BRINP1: variants seen among roughly 807,000 people sequenced by gnomAD.
BRINP1 encodes the protein BMP/retinoic acid inducible neural specific 1.
In BRINP1, 17 loss-of-function variants were observed where a neutral mutation model predicts 72.9. The ratio of observed to expected loss-of-function variants is 0.23; its 90% CI spans 0.16 to 0.35. The LOEUF is 0.35. Ranked by LOEUF, BRINP1 falls within the 10% of genes least tolerant of loss-of-function variation. The pLI is 1.00. For missense variants in BRINP1, 850 were observed against 1,001.6 expected (o/e 0.85, Z 2.04); for synonymous variants, 418 against 378.5 (o/e 1.10, Z -1.21).
chr9:119,241,273 A>G (rs1049051152), intron 4 of BRINP1, among the ~76,000 whole-genome samples: 3 of 152,236 alleles, frequency 2.0e-5, no homozygotes, highest in African/African-American at 7.2e-5. Context: ...CCACCATCTT[A>G]GAAGGTACTA....
chr9:119,265,881 C>T (rs1193540147), intron 2 of BRINP1, among the ~76,000 whole-genome samples: 2 of 152,260 alleles, frequency 1.3e-5, no homozygotes, highest in Middle Eastern at 3.4e-3. Flanking sequence ...TCAACCTCCT[C>T]GCTCCCTCTC....
In BRINP1 at chr9:119,286,238, C is replaced by CTT. The variant is rs111384115; in HGVS notation, c.218+26898_218+26899dup. Among the ~76,000 whole-genome samples the CTT allele has an allele frequency of 4.5e-3, 664 of 147,566 alleles. 5 individuals are homozygous for CTT. Among genetic ancestry groups the CTT allele is most frequent in the East Asian group, 0.012 (59 of 5,022 alleles). ...GAGTGTTATCGCCATTATCTTTCAT[C>CTT]TTTTTTTTTTTTGAGACGGAGTCTT... On this transcript the variant is annotated intron_variant, in intron 2 of 7. Transcript: ENST00000265922.
intron 1 of BRINP1, among the ~76,000 whole-genome samples, chr9:119,325,057 G>A (rs946902019): frequency 6.6e-6 from 1 of 151,800 alleles, no homozygotes. Flanking sequence ...CTGAGATCAC[G>A]CCATTGCACT....
intron 1 of BRINP1, among the ~76,000 whole-genome samples, chr9:119,367,221 G>GATATATATATATATATATATAT (rs6151155): frequency 0.012 from 1,228 of 99,580 alleles, 50 homozygotes; most frequent in East Asian, 0.029. Context: ...GTGTGTGATT[G>GATATATATATATATATATATAT]ATATATATAT....
At chr9:119,280,780 C>A (rs971155516) in intron 2 of BRINP1, among the ~76,000 whole-genome samples, 2 of 152,060 alleles carry the variant, frequency 1.3e-5, no homozygotes, top group Non-Finnish European at 2.9e-5. Context: ...GAAGAACTGG[C>A]CCCAAGTCAG....
intron 3 of BRINP1, among the ~76,000 whole-genome samples, chr9:119,244,433 T>C (rs1163681888): frequency 6.6e-6 from 1 of 152,230 alleles, no homozygotes; most frequent in Admixed American, 6.5e-5. Context: ...TCCTAGGGTC[T>C]GATGAAGAAT....
At chr9:119,196,049 C>G (rs1199857119) in intron 7 of BRINP1, among the ~76,000 whole-genome samples, 2 of 152,196 alleles carry the variant, frequency 1.3e-5, no homozygotes, top group African/African-American at 4.8e-5. Flanking sequence ...ACAGATACCA[C>G]TTCCTTATTT....
intron 2 of BRINP1, among the ~76,000 whole-genome samples, chr9:119,254,950 G>A (rs527426474): frequency 6.6e-6 from 1 of 152,256 alleles, no homozygotes; most frequent in South Asian, 2.1e-4. Flanking sequence ...TCCACTGATG[G>A]GAAAATTGAA....
chr9:119,238,470 T>C (rs1318701758), intron 5 of BRINP1, among the ~76,000 whole-genome samples, 185 bp downstream of exon 5: 1 of 152,200 alleles, frequency 6.6e-6, no homozygotes, highest in African/African-American at 2.4e-5. Flanking sequence ...TGTTAAAAAA[T>C]TCTAAATATA....
intron 1 of BRINP1, among the ~76,000 whole-genome samples, chr9:119,347,368 A>C (rs917004354): frequency 6.6e-6 from 1 of 152,080 alleles, no homozygotes; most frequent in Non-Finnish European, 1.5e-5. Context: ...AACCCTTTTA[A>C]CCTCAGTTCC....
At chr9:119,287,993 T>TAAAAA (rs975401832) in intron 2 of BRINP1, among the ~76,000 whole-genome samples, 6 of 150,888 alleles carry the variant, frequency 4.0e-5, no homozygotes, top group African/African-American at 1.5e-4. Context: ...ACTTAAAAGT[T>TAAAAA]AAAAAAAAAG....
chr9:119,250,418 C>T (rs1830374523), intron 2 of BRINP1, among the ~76,000 whole-genome samples: 1 of 152,176 alleles, frequency 6.6e-6, no homozygotes. Context: ...GTCCAAGTCT[C>T]GCTCTCCCTC....
chr9:119,309,013 A>C (rs1831032527), intron 2 of BRINP1, among the ~76,000 whole-genome samples: 2 of 152,154 alleles, frequency 1.3e-5, no homozygotes, highest in Admixed American at 6.5e-5. Flanking sequence ...AAGGTATTGG[A>C]AACACAGGAA....
rs1022906850 is a variant in BRINP1, at chr9:119,260,407, A to T, written c.219-11257T>A. Among the ~76,000 whole-genome samples the T allele has an allele frequency of 2.0e-5, 3 of 152,234 alleles. No individual in the cohort carries two copies. In the East Asian group the frequency reaches 5.8e-4, roughly 29 times the overall value. Reference sequence around the variant, plus strand: ...TAAAATATTTACTGTCTGACCCTTTATAGACAGTTTGCTAATCCTGTTTTA... The same window carrying T: ...TAAAATATTTACTGTCTGACCCTTTTTAGACAGTTTGCTAATCCTGTTTTA... On this transcript the variant is annotated intron_variant, in intron 2 of 7. Coordinates refer to ENST00000265922, the MANE Select transcript of BRINP1 (RefSeq NM_014618.3).
chr9:119,258,453 G>T (rs1274849709), intron 2 of BRINP1, among the ~76,000 whole-genome samples: 1 of 152,176 alleles, frequency 6.6e-6, no homozygotes, highest in Admixed American at 6.5e-5. Flanking sequence ...AGCTTAGAAT[G>T]CACTTGTTTT....
At chr9:119,260,857 A>T (rs1259558507) in intron 2 of BRINP1, among the ~76,000 whole-genome samples, 1 of 152,196 alleles carries the variant, frequency 6.6e-6, no homozygotes, top group Non-Finnish European at 1.5e-5. Flanking sequence ...ATTCTTAGAG[A>T]TATTTGATTT....
chr9:119,271,093 G>T (rs894773518), intron 2 of BRINP1, among the ~76,000 whole-genome samples: 4 of 152,150 alleles, frequency 2.6e-5, no homozygotes, highest in African/African-American at 9.7e-5. Context: ...TTCACTAAAA[G>T]CTTCCTGGAA....
chr9:119,175,760 A>G (rs1829481252), intron 7 of BRINP1, among the ~76,000 whole-genome samples: 1 of 152,158 alleles, frequency 6.6e-6, no homozygotes, highest in Admixed American at 6.5e-5. Context: ...GAGGCCTCTC[A>G]TCTTTCCTTT....
In BRINP1 at chr9:119,317,458, C is replaced by G. The variant is rs146300965; in HGVS notation, c.-50-4053G>C. 5.3e-5 allele frequency among the ~76,000 whole-genome samples: 8 copies of G among 152,280 alleles called. No homozygotes were observed. In the East Asian group the frequency reaches 1.5e-3, roughly 29 times the overall value. Reference sequence around the variant, plus strand: ...AACTTGAACGGATGACGAGTTGCTCCTTATGGATGAGCAAAGAAAGCAGTT... The same window carrying G: ...AACTTGAACGGATGACGAGTTGCTCGTTATGGATGAGCAAAGAAAGCAGTT... On this transcript the variant is annotated intron_variant, in intron 1 of 7. Coordinates refer to ENST00000265922, the MANE Select transcript of BRINP1 (RefSeq NM_014618.3).
Sources: allele counts gnomAD v4.1 joint callset (sites outside exome capture counted in the v4.1 genomes callset), GRCh38; gene constraint gnomAD v4.1.1; transcripts MANE v1.5; gene names NCBI Gene and HGNC (gene_info 2026-07-23, HGNC 2026-07-21).